The following TRADD variants were observed in gnomAD, a reference collection of about 807,000 sequenced individuals.
The protein encoded by TRADD is tumor necrosis factor receptor type 1-associated DEATH domain protein.
In TRADD, 14 loss-of-function variants were observed where a neutral mutation model predicts 31.5. The observed-to-expected ratio is 0.44, with a 90% CI of 0.29 to 0.69. The LOEUF is 0.69. TRADD is among the 30% of genes least tolerant of loss of function. TRADD has a pLI of 0.11. For synonymous variants in TRADD, 220 were observed against 215.8 expected, an observed-to-expected ratio of 1.02 and a Z score of -0.17; for missense variants, 388 against 435.7, an observed-to-expected ratio of 0.89 and a Z score of 0.97.
At chr16:67,157,786 G>T (rs917125126) in intron 1 of TRADD, among the ~76,000 whole-genome samples, 1 of 152,118 alleles carries the variant, frequency 6.6e-6, no homozygotes, top group Non-Finnish European at 1.5e-5. Context: ...CCTAGCTCTG[G>T]ACCAGCGGGG....
rs922529265 is a variant in TRADD at position 67,156,085 on chromosome 16, C to G, written c.151+425G>C. ...GGGAAGAAGAGGGGCTCTCGCCGCT[C>G]TGAGGCCACGAACAGATCCCCCAAC... is the stretch of plus-strand genomic sequence containing the variant. On this transcript the variant is annotated intron_variant, in intron 2 of 4. Transcript: ENST00000345057. This position sits in a 1 kb window ranked among gnomAD's most constrained non-coding sequence, Gnocchi z 4.6. The G allele has an allele frequency of 7.4e-7, 1 of 1,349,504 alleles. No individual in the cohort carries two copies. The highest frequency in any genetic ancestry group is 2.2e-5 in the Admixed American group (1 of 45,208). The allele number at this position is 1,349,504 out of a possible 1,614,324, so 83.6% of individuals were successfully genotyped here. A position where few individuals can be genotyped will look rare whatever the true frequency, so the allele number is the denominator to read the frequency against.
chr16:67,156,760 C>T lies in TRADD; in HGVS notation c.-8-92G>A, dbSNP rs2030715898. On this transcript the variant is annotated intron_variant, in intron 1 of 4. Coordinates refer to ENST00000345057, the MANE Select transcript of TRADD (RefSeq NM_003789.4). The surrounding 1 kb of genome is among the most constrained non-coding windows in gnomAD (Gnocchi z 4.6). ...GCCCCACGTGGTTCAGCTGTCCCCA[C>T]CACAGTAGCCTCAAGTCCCACATGG... The T allele has an allele frequency of 2.6e-6, 4 of 1,530,488 alleles. No homozygotes were observed. The highest frequency in any genetic ancestry group is 2.7e-6 in the Non-Finnish European group (3 of 1,115,010). The allele number at this position is 1,530,488 out of a possible 1,614,324, so 94.8% of individuals were successfully genotyped here.
chr16:67,155,478 G>T lies in TRADD; in HGVS notation c.328C>A (p.His110Asn). 6.3e-7 allele frequency: 1 copy of T among 1,576,950 alleles called. No individual in the cohort carries two copies. The highest frequency in any genetic ancestry group is 2.3e-5 in the East Asian group (1 of 43,596). ...AGCTCCAGTTGCAGCGGCACCGAGTGCTGGGCGAGCGCGGCCGCCAGGCTC... is the reference window on the plus strand; with the variant it reads ...AGCTCCAGTTGCAGCGGCACCGAGTTCTGGGCGAGCGCGGCCGCCAGGCTC... ...QRSLAAALAQ[H>N]SVPLQLELRA... Residue 110 changes from histidine (H) to asparagine (N), a missense_variant, in exon 3 of 5, where the codon CAC becomes AAC. Physicochemically the swap from His to Asn is moderately conservative, Grantham distance 68. Transcript: ENST00000345057.
At position 67,155,221 on chromosome 16, in the gene TRADD, G is replaced by C. The variant is rs1187752443; in HGVS notation, c.503C>G (p.Ala168Gly). 1 of 1,597,442 alleles carries C rather than the reference G, an allele frequency of 6.3e-7. No individual in the cohort carries two copies. Among genetic ancestry groups the C allele is most frequent in the Non-Finnish European group, 8.5e-7 (1 of 1,173,812 alleles). Residue 168 changes from alanine to glycine, a missense_variant, in exon 4 of 5, where the codon GCC becomes GGC. Ala to Gly is a moderately conservative substitution (Grantham distance 60, BLOSUM62 0). Transcript: ENST00000345057. ...ALRNLKCGSG[A>G]RGGDGEVASA... The stretch of plus-strand genomic sequence containing the variant: ...AGCGACCTCCCCGTCGCCACCCCGG[G>C]CCCCCGAGCCGCACTTCAGATTTCG...
chr16:67,155,476 G>A lies in TRADD; in HGVS notation c.330C>T (p.His110=). The change falls in exon 3 of 5, where the codon CAC becomes CAT. Residue 110 remains histidine, a synonymous_variant. Transcript: ENST00000345057. ...GCAGCTCCAGTTGCAGCGGCACCGA[G>A]TGCTGGGCGAGCGCGGCCGCCAGGC... The part of the protein sequence containing the change: ...QRSLAAALAQ[H]SVPLQLELRA... 1 of 1,582,568 alleles carries A rather than the reference G, an allele frequency of 6.3e-7. No homozygotes were observed. Among genetic ancestry groups the A allele is most frequent in the Non-Finnish European group, 8.5e-7 (1 of 1,172,366 alleles).
At position 67,155,477 on chromosome 16, in the gene TRADD, T is replaced by TG; in HGVS notation, c.328dup (p.His110ProfsTer41). ...CAGCTCCAGTTGCAGCGGCACCGAG[T>TG]GCTGGGCGAGCGCGGCCGCCAGGCT... On this transcript the variant is annotated frameshift_variant, in exon 3 of 5. Coordinates refer to ENST00000345057, the MANE Select transcript of TRADD (RefSeq NM_003789.4). LOFTEE classifies it high-confidence loss of function. 6.3e-7 allele frequency: 1 copy of TG among 1,581,254 alleles called. No homozygotes were observed. Among genetic ancestry groups the TG allele is most frequent in the Non-Finnish European group, 8.5e-7 (1 of 1,171,716 alleles).
chr16:67,157,726 G>A (rs556423660), intron 1 of TRADD, among the ~76,000 whole-genome samples: 1 of 152,202 alleles, frequency 6.6e-6, no homozygotes, highest in South Asian at 2.1e-4. Flanking sequence ...AAAAAGCCAG[G>A]GCCCCTTGGT....
rs773786723 is a variant in TRADD, at chr16:67,156,476, C to T, written c.151+34G>A. 5 of 1,606,562 alleles carry T rather than the reference C, an allele frequency of 3.1e-6. No individual in the cohort carries two copies. Among genetic ancestry groups the T allele is most frequent in the Non-Finnish European group, 4.2e-6 (5 of 1,179,960 alleles). On this transcript the variant is annotated intron_variant, in intron 2 of 4. Coordinates refer to ENST00000345057, the MANE Select transcript of TRADD (RefSeq NM_003789.4). The surrounding 1 kb of genome is among the most constrained non-coding windows in gnomAD (Gnocchi z 4.6). ...CCACCCACAAAATGCTCCAGGCCAC[C>T]CCTTCCTCTCCACATGCCCGCCCAT...
chr16:67,155,119 A>G lies in TRADD; in HGVS notation c.605T>C (p.Phe202Ser). ...ACCTACAGGCTGACCCTGGAACAGAAAAGTCTGGGCAGGTGGCGGCGGCGG... is the reference window on the plus strand; with the variant it reads ...ACCTACAGGCTGACCCTGGAACAGAGAAGTCTGGGCAGGTGGCGGCGGCGG... ...PPPPPPPAQT[F>S]LFQGQPVVNR... is the part of the protein sequence containing the mutation. The change falls in exon 4 of 5, where the codon TTT (phenylalanine) becomes TCT (serine). Residue 202 changes from phenylalanine (F) to serine (S), a missense_variant. Transcript: ENST00000345057. The G allele has an allele frequency of 6.5e-7, 1 of 1,544,890 alleles. No homozygotes were observed. Among genetic ancestry groups the G allele is most frequent in the Non-Finnish European group, 8.7e-7 (1 of 1,148,118 alleles).
chr16:67,158,232 C>T (rs1041900315), intron 1 of TRADD, among the ~76,000 whole-genome samples: 8 of 152,236 alleles, frequency 5.3e-5, no homozygotes, highest in East Asian at 1.9e-4. Flanking sequence ...GTGGCACTAT[C>T]GCAGCTCACT....
Position 67,156,705 on chromosome 16 carries a change from C to T in TRADD, c.-8-37G>A. On this transcript the variant is annotated intron_variant, in intron 1 of 4. Transcript: ENST00000345057. This position sits in a 1 kb window ranked among gnomAD's most constrained non-coding sequence, Gnocchi z 4.6. ...GACAGTCAGGTATCCAGTTCATCCC[C>T]CCTCCCTCCACCCTGGAGACAACTA... is the stretch of plus-strand genomic sequence containing the variant. The T allele has an allele frequency of 6.2e-7, 1 of 1,611,254 alleles. No individual in the cohort carries two copies. The highest frequency in any genetic ancestry group is 1.1e-5 in the South Asian group (1 of 91,086).
intron 4 of TRADD, 37 bp downstream of exon 4, chr16:67,155,059 A>G (rs947851194): frequency 6.5e-7 from 1 of 1,541,568 alleles, no homozygotes; most frequent in Non-Finnish European, 8.7e-7. Context: ...CCAGACTCCA[A>G]CCTCCTGGTG....
chr16:67,157,065 C>A (rs1016558454), intron 1 of TRADD, among the ~76,000 whole-genome samples: 8 of 152,174 alleles, frequency 5.3e-5, no homozygotes, highest in Admixed American at 2.0e-4. Context: ...TGCCCATGCC[C>A]CAAAGCCAAC....
chr16:67,154,508 G>T lies in TRADD; in HGVS notation c.*141C>A. On this transcript the variant is annotated 3_prime_UTR_variant, in exon 5 of 5. Coordinates refer to ENST00000345057, the MANE Select transcript of TRADD (RefSeq NM_003789.4). This position sits in a 1 kb window ranked among gnomAD's most constrained non-coding sequence, Gnocchi z 5.2. ...CCCAGTGGTCTGGCTCCTGGGGAAG[G>T]CAATCAACTCTGCCCCAGCAGGTCC... The T allele has an allele frequency of 9.7e-7, 1 of 1,033,558 alleles. No individual in the cohort carries two copies. The allele number at this position is 1,033,558 out of a possible 1,614,324, so 64.0% of individuals were successfully genotyped here.
rs1305639272 is a variant in TRADD, at chr16:67,159,540, TG to T, written c.-9+297del. Among the ~76,000 whole-genome samples the T allele has an allele frequency of 1.3e-5, 2 of 151,972 alleles. No homozygotes were observed. The highest frequency in any genetic ancestry group is 6.5e-5 in the Admixed American group (1 of 15,274). On this transcript the variant is annotated intron_variant, in intron 1 of 4. Coordinates refer to ENST00000345057, the MANE Select transcript of TRADD (RefSeq NM_003789.4). This position sits in a 1 kb window ranked among gnomAD's most constrained non-coding sequence, Gnocchi z 6.8. ...GTTTCGCACGTGCGATCGGCTGGGGTGGGCAAGGGGGTCTCCGCTCAAGGAA... is the reference window on the plus strand; with the variant it reads ...GTTTCGCACGTGCGATCGGCTGGGGTGGCAAGGGGGTCTCCGCTCAAGGAA...
chr16:67,157,416 A>G (rs2030737537), intron 1 of TRADD, among the ~76,000 whole-genome samples: 1 of 152,216 alleles, frequency 6.6e-6, no homozygotes, highest in South Asian at 2.1e-4. Context: ...GGTTGAGCCA[A>G]TAGGAAAGAG....
In TRADD at chr16:67,155,542, G is replaced by A. The variant is rs1390588702; in HGVS notation, c.264C>T (p.Arg88=). The change falls in exon 3 of 5, where the codon CGC becomes CGT. Residue 88 remains arginine (R), a synonymous_variant. Coordinates refer to ENST00000345057, the MANE Select transcript of TRADD (RefSeq NM_003789.4). ...CGRQPCGRFL[R]AYREGALRAA... Reference sequence around the variant, plus strand: ...CGCGCAGCGCCCCCTCGCGGTAGGCGCGGAGGAAGCGGCCACAGGGCTGCC... The same window carrying A: ...CGCGCAGCGCCCCCTCGCGGTAGGCACGGAGGAAGCGGCCACAGGGCTGCC... 7.2e-6 allele frequency: 11 copies of A among 1,521,246 alleles called. No individual in the cohort carries two copies. Among genetic ancestry groups the A allele is most frequent in the South Asian group, 1.2e-5 (1 of 82,614 alleles). 94.2% of individuals were successfully genotyped at this position (1,521,246 alleles called of 1,614,324 possible). A position where few individuals can be genotyped will look rare whatever the true frequency, so the allele number is the denominator to read the frequency against.
Position 67,155,377 on chromosome 16 carries a change from C to T in TRADD, c.429G>A (p.Gln143=), listed in dbSNP as rs761612419. Residue 143 remains glutamine, a splice_region_variant and synonymous_variant, in exon 3 of 5, where the codon CAG becomes CAA. Transcript: ENST00000345057. ...CATCCTGACCCTAGCCCGGCCGCAC[C>T]TGCTGGGCTAGGATGCAACTCAAAC... The part of the protein sequence containing the change: ...ERCLSCILAQ[Q]PDRLRDEELA... 1 of 1,600,740 alleles carries T rather than the reference C, an allele frequency of 6.2e-7. No homozygotes were observed. Among genetic ancestry groups the T allele is most frequent in the Admixed American group, 1.7e-5 (1 of 60,014 alleles).
chr16:67,154,718 C>G lies in TRADD; in HGVS notation c.870G>C (p.Glu290Asp). ...ATLQRLVEAL[E>D]ENELTSLAED... The stretch of plus-strand genomic sequence containing the variant: ...CTGCCAGGCTGGTGAGCTCGTTCTC[C>G]TCGAGTGCCTCCACCAGGCGCTGCA... Residue 290 changes from glutamate to aspartate, a missense_variant, in exon 5 of 5, where the codon GAG becomes GAC. Physicochemically the swap from Glu to Asp is conservative, Grantham distance 45 (BLOSUM62 2). Transcript: ENST00000345057. This position sits in a 1 kb window ranked among gnomAD's most constrained non-coding sequence, Gnocchi z 5.2. The G allele has an allele frequency of 6.2e-7, 1 of 1,612,546 alleles. No individual in the cohort carries two copies. Among genetic ancestry groups the G allele is most frequent in the Non-Finnish European group, 8.5e-7 (1 of 1,179,782 alleles).
Sources: gnomAD v4.1 joint callset for allele counts (sites outside exome capture counted in the v4.1 genomes callset) on GRCh38, gnomAD v4.1.1 for gene constraint, Gnocchi (gnomAD v3.1) non-coding constraint, MANE v1.5 for transcripts, NCBI Gene and HGNC (gene_info 2026-07-23, HGNC 2026-07-21) for gene names.